Variants in VPS54 observed in about 807,000 individuals in gnomAD.
The protein encoded by VPS54 is VPS54 subunit of GARP complex, also known as vacuolar protein sorting-associated protein 54.
A neutral mutation model predicts 121.5 loss-of-function variants in VPS54; 45 were observed. That is an observed-to-expected ratio of 0.37 (90% CI 0.29 to 0.47). The LOEUF (loss-of-function observed/expected upper bound fraction) is 0.47. Among genes scored for constraint, VPS54 ranks in the 20% least tolerant of loss-of-function variants. The pLI, the probability that VPS54 is intolerant of heterozygous loss-of-function variation, is 0.99. For synonymous variants in VPS54, 371 were observed against 385.8 expected (o/e 0.96, Z 0.45); for missense variants, 1,090 against 1,131.4 (o/e 0.96, Z 0.52).
intron 1 of VPS54, among the ~76,000 whole-genome samples, chr2:64,009,670 C>A (rs1295456405): frequency 1.3e-5 from 2 of 151,986 alleles, no homozygotes; most frequent in African/African-American, 4.8e-5. Flanking sequence ...AGTAATTGTG[C>A]ACCTGTAACG....
At chr2:63,942,330 C>T (rs1674781033) in intron 11 of VPS54, 135 bp downstream of exon 11, 3 of 551,062 alleles carry the variant, frequency 5.4e-6, no homozygotes, top group African/African-American at 2.0e-5. Context: ...TATTTAAAAA[C>T]AAGCCTCTTT....
At chr2:63,914,064 T>TA in intron 17 of VPS54, 118 bp downstream of exon 17, 1 of 1,055,666 alleles carries the variant, frequency 9.5e-7, no homozygotes, top group Non-Finnish European at 1.4e-6. Flanking sequence ...TCAAATGTTA[T>TA]AAAACTAATG....
intron 11 of VPS54, among the ~76,000 whole-genome samples, chr2:63,938,437 T>A (rs1674566583): frequency 1.3e-5 from 2 of 152,104 alleles, no homozygotes; most frequent in Admixed American, 1.3e-4. Context: ...ATTAGAGGAC[T>A]GGGACTTTCA....
At position 63,965,982 on chromosome 2, in the gene VPS54, AT is replaced by A. The variant is rs1675975408; in HGVS notation, c.493-17del. On this transcript the variant is annotated splice_polypyrimidine_tract_variant and intron_variant, in intron 5 of 22. Transcript: ENST00000272322. ...TCATAAAAATCTATTAAAAAAATGC[AT>A]TTCCCTCAATTAGATAAGTATTTTC... 3 of 1,598,604 alleles carry A rather than the reference AT, an allele frequency of 1.9e-6. No homozygotes were observed. Among genetic ancestry groups the A allele is most frequent in the Non-Finnish European group, 2.6e-6 (3 of 1,175,086 alleles).
chr2:63,988,799 C>A (rs115092203), intron 1 of VPS54, among the ~76,000 whole-genome samples: 1,868 of 151,794 alleles, frequency 0.012, 17 homozygotes, highest in Non-Finnish European at 0.015. Context: ...AATCTGGGTA[C>A]CTTGAAAAAA....
chr2:63,952,731 T>C (rs950699741), intron 7 of VPS54, among the ~76,000 whole-genome samples: 1 of 152,200 alleles, frequency 6.6e-6, no homozygotes, highest in Non-Finnish European at 1.5e-5. Context: ...GGCATCAATA[T>C]CTTACAGTAG....
In VPS54 at chr2:64,001,970, C is replaced by T. The variant is rs532751130; in HGVS notation, c.-21+16968G>A. The stretch of plus-strand genomic sequence containing the variant: ...GGCTTACACTGCCTTTTATTTAGGA[C>T]CCCGGCACACCTCAGCCCACAGTGG... On this transcript the variant is annotated intron_variant, in intron 1 of 22. Transcript: ENST00000272322. Among the ~76,000 whole-genome samples the T allele has an allele frequency of 7.2e-5, 11 of 152,266 alleles. No homozygotes were observed. In the South Asian group the frequency reaches 1.5e-3, roughly 20 times the overall value.
intron 11 of VPS54, among the ~76,000 whole-genome samples, chr2:63,941,336 C>A (rs1674721268): frequency 6.9e-6 from 1 of 144,876 alleles, no homozygotes; most frequent in East Asian, 1.9e-4. Context: ...GTGATCATCC[C>A]ACCTCAGCCA....
intron 11 of VPS54, among the ~76,000 whole-genome samples, chr2:63,935,317 T>C (rs542326834): frequency 7.2e-5 from 11 of 152,264 alleles, no homozygotes; most frequent in African/African-American, 2.6e-4. Flanking sequence ...ATACCGAAGA[T>C]AGAGCCTTCA....
intron 7 of VPS54, among the ~76,000 whole-genome samples, chr2:63,949,831 C>G (rs1215869592): frequency 1.3e-5 from 2 of 152,146 alleles, no homozygotes; most frequent in Non-Finnish European, 2.9e-5. Context: ...CTATATGGTA[C>G]CAATCCTTCT....
chr2:63,901,016 TC>T (rs1672660349), intron 20 of VPS54, among the ~76,000 whole-genome samples: 1 of 152,322 alleles, frequency 6.6e-6, no homozygotes, highest in East Asian at 1.9e-4. Context: ...AGCCTCGGCC[TC>T]CCAAAGTGCT....
At chr2:64,012,293 T>A (rs1381312904) in intron 1 of VPS54, among the ~76,000 whole-genome samples, 3 of 152,036 alleles carry the variant, frequency 2.0e-5, no homozygotes, top group Non-Finnish European at 4.4e-5. Flanking sequence ...ATTTATGAGT[T>A]CCAATCTCAG....
intron 11 of VPS54, among the ~76,000 whole-genome samples, chr2:63,939,229 A>G (rs1674605374): frequency 6.6e-6 from 1 of 152,108 alleles, no homozygotes; most frequent in Non-Finnish European, 1.5e-5. Context: ...AAAATTAGCT[A>G]GACATGGTGG....
intron 1 of VPS54, among the ~76,000 whole-genome samples, chr2:63,985,680 TACACACACACACACAC>T (rs3079061): frequency 1.1e-3 from 162 of 145,040 alleles, no homozygotes; most frequent in African/African-American, 3.7e-3. Flanking sequence ...TGACAAATTA[TACACACACACACACAC>T]ACACACACAC....
At position 63,932,355 on chromosome 2, in the gene VPS54, C is replaced by T. The variant is rs1213976059; in HGVS notation, c.1739+1318G>A. On this transcript the variant is annotated intron_variant, in intron 12 of 22. Transcript: ENST00000272322. ...AAAAAGGATGAGTTCATGTCCTTTG[C>T]AGGGACATGGATGAAGCTGGAAACC... Among the ~76,000 whole-genome samples the T allele has an allele frequency of 1.4e-4, 21 of 152,144 alleles. 4 individuals are homozygous for T. The highest frequency in any genetic ancestry group is 4.6e-4 in the African/African-American group (19 of 41,500).
intron 21 of VPS54, 62 bp from the exon 22 acceptor site, chr2:63,897,652 T>A: frequency 1.0e-6 from 1 of 993,000 alleles, no homozygotes; most frequent in Non-Finnish European, 1.5e-6. Context: ...ATCTGAGTTA[T>A]CAATATTATT....
intron 1 of VPS54, among the ~76,000 whole-genome samples, chr2:63,994,381 C>G (rs1375425811): frequency 6.6e-6 from 1 of 152,130 alleles, no homozygotes; most frequent in Non-Finnish European, 1.5e-5. Flanking sequence ...CAAAATTATT[C>G]TTATTGGGCT....
chr2:63,968,383 T>C (rs1291900467), intron 5 of VPS54, among the ~76,000 whole-genome samples: 2 of 108,746 alleles, frequency 1.8e-5, no homozygotes, highest in African/African-American at 5.4e-5. Flanking sequence ...ATCATTTTTA[T>C]TTGTCAATTA....
rs2104385154 is a variant in VPS54 at position 63,892,775 on chromosome 2, A to C, written c.*655T>G. On this transcript the variant is annotated 3_prime_UTR_variant, in exon 23 of 23. Coordinates refer to ENST00000272322, the MANE Select transcript of VPS54 (RefSeq NM_016516.3). ...ACTTAAAAAAAGGCTTAAGTCTTTCAGGTATTTAGAGAGCTCTGGAAGGCT... is the reference window on the plus strand; with the variant it reads ...ACTTAAAAAAAGGCTTAAGTCTTTCCGGTATTTAGAGAGCTCTGGAAGGCT... 1 of 152,374 alleles carries C rather than the reference A, an allele frequency of 6.6e-6. No individual in the cohort carries two copies. The highest frequency in any genetic ancestry group is 1.5e-5 in the Non-Finnish European group (1 of 67,986). 9.4% of individuals were successfully genotyped at this position (152,374 alleles called of 1,614,324 possible). A position where few individuals can be genotyped will look rare whatever the true frequency, so the allele number is the denominator to read the frequency against.
Sources: gnomAD v4.1 joint callset for allele counts (sites outside exome capture counted in the v4.1 genomes callset) on GRCh38, gnomAD v4.1.1 for gene constraint, MANE v1.5 for transcripts, NCBI Gene and HGNC (gene_info 2026-07-23, HGNC 2026-07-21) for gene names.